Variants in PHLPP2 observed in about 807,000 individuals in gnomAD.
PHLPP2 encodes PH domain leucine-rich repeat-containing protein phosphatase 2.
In PHLPP2, 66 loss-of-function variants were observed where a neutral mutation model predicts 124.9. The observed-to-expected ratio is 0.53, with a 90% CI of 0.43 to 0.65. The LOEUF is 0.65. Ranked by LOEUF, PHLPP2 falls within the 30% of genes least tolerant of loss-of-function variation. PHLPP2 has a pLI of 0.00. For missense variants in PHLPP2, 1,685 were observed against 1,600.4 expected (o/e 1.05, Z -0.90); for synonymous variants, 681 against 624.7 (o/e 1.09, Z -1.34).
At chr16:71,660,604 T>G (rs1353256380) in intron 13 of PHLPP2, among the ~76,000 whole-genome samples, 1 of 151,798 alleles carries the variant, frequency 6.6e-6, no homozygotes, top group Non-Finnish European at 1.5e-5. Context: ...TTTTTGTATT[T>G]TTAGTAGAGA....
At chr16:71,654,733 C>T (rs1042271663) in intron 17 of PHLPP2, among the ~76,000 whole-genome samples, 7 of 152,222 alleles carry the variant, frequency 4.6e-5, no homozygotes, top group African/African-American at 1.7e-4. Flanking sequence ...GTCAGGCTTA[C>T]ATCCTTATCA....
At chr16:71,719,575 TG>T (rs1227783289) in intron 1 of PHLPP2, among the ~76,000 whole-genome samples, 2 of 151,924 alleles carry the variant, frequency 1.3e-5, no homozygotes, top group Non-Finnish European at 2.9e-5. Flanking sequence ...TGGCATTAAT[TG>T]TTTATACATA....
At chr16:71,687,372 G>C (rs2045063968) in intron 4 of PHLPP2, among the ~76,000 whole-genome samples, 1 of 151,996 alleles carries the variant, frequency 6.6e-6, no homozygotes, top group Admixed American at 6.6e-5. Flanking sequence ...AACCACACCA[G>C]TTTTCTTTTG....
intron 10 of PHLPP2, 23 bp downstream of exon 10, chr16:71,672,239 C>T: frequency 2.5e-6 from 4 of 1,595,240 alleles, no homozygotes; most frequent in Non-Finnish European, 3.4e-6. Flanking sequence ...GAAGCAAGCG[C>T]CACCCTCATG....
chr16:71,695,979 C>T (rs2045166064), intron 3 of PHLPP2, among the ~76,000 whole-genome samples: 1 of 152,096 alleles, frequency 6.6e-6, no homozygotes, highest in Admixed American at 6.5e-5. Flanking sequence ...CAAATTAAAA[C>T]ACCACAGATA....
intron 2 of PHLPP2, among the ~76,000 whole-genome samples, chr16:71,709,414 C>G (rs1164565023): frequency 6.6e-6 from 1 of 152,042 alleles, no homozygotes; most frequent in Non-Finnish European, 1.5e-5. Flanking sequence ...ATCTTAGTTT[C>G]TCTTCTCATC....
At chr16:71,681,977 G>A in intron 5 of PHLPP2, 72 bp from the exon 6 acceptor site, 1 of 1,088,050 alleles carries the variant, frequency 9.2e-7, no homozygotes, top group South Asian at 2.5e-5. Flanking sequence ...GAATGGAATG[G>A]CATTTACACA....
Position 71,655,095 on chromosome 16 carries a change from C to T in PHLPP2, c.2585+145G>A, listed in dbSNP as rs898190444. On this transcript the variant is annotated intron_variant, in intron 17 of 18. Transcript: ENST00000568954. ...AGCCGAAGTCCCCGCACTCCATGCTCATATAGAGAATGATCATAGAAGACA... is the reference window on the plus strand; with the variant it reads ...AGCCGAAGTCCCCGCACTCCATGCTTATATAGAGAATGATCATAGAAGACA... 6.3e-6 allele frequency: 4 copies of T among 637,812 alleles called. No individual in the cohort carries two copies. In the Admixed American group the frequency reaches 1.1e-4, roughly 17 times the overall value. 39.5% of individuals were successfully genotyped at this position (637,812 alleles called of 1,614,324 possible).
chr16:71,714,419 C>A (rs1178768872), intron 2 of PHLPP2, 93 bp downstream of exon 2: 3 of 1,418,564 alleles, frequency 2.1e-6, no homozygotes, highest in Admixed American at 2.9e-5. Context: ...ACATCAGTTC[C>A]GGCAGAATTA....
At chr16:71,717,428 G>A (rs1050793050) in intron 1 of PHLPP2, among the ~76,000 whole-genome samples, 1 of 152,084 alleles carries the variant, frequency 6.6e-6, no homozygotes, top group Non-Finnish European at 1.5e-5. Context: ...AAAACCATGA[G>A]GATTATTGAA....
intron 2 of PHLPP2, among the ~76,000 whole-genome samples, chr16:71,708,078 T>C (rs1441302364): frequency 6.6e-6 from 1 of 152,188 alleles, no homozygotes. Flanking sequence ...ACGCCGCCCC[T>C]AATCCTGCTC....
chr16:71,693,120 C>G (rs1381733857), intron 3 of PHLPP2, among the ~76,000 whole-genome samples: 1 of 152,124 alleles, frequency 6.6e-6, no homozygotes, highest in Non-Finnish European at 1.5e-5. Flanking sequence ...AACCCCATCT[C>G]TACTAAAAAT....
At chr16:71,723,203 C>T (rs1184244466) in intron 1 of PHLPP2, 1 of 152,274 alleles carries the variant, frequency 6.6e-6, no homozygotes, top group Non-Finnish European at 1.5e-5. Context: ...GCGGGTCGTC[C>T]TTGCCGGCTG....
At chr16:71,655,209 G>C (rs754060144) in intron 17 of PHLPP2, 31 bp downstream of exon 17, 2 of 1,468,858 alleles carry the variant, frequency 1.4e-6, no homozygotes, top group South Asian at 2.3e-5. Context: ...AAGTAGAACT[G>C]AGTTAGGGAT....
intron 3 of PHLPP2, among the ~76,000 whole-genome samples, chr16:71,698,936 T>A (rs575770365): frequency 1.2e-4 from 18 of 152,282 alleles, no homozygotes; most frequent in Non-Finnish European, 2.2e-4. Flanking sequence ...CATTAACTGG[T>A]TCGCACTCGG....
At chr16:71,660,843 GT>G (rs1237173528) in intron 13 of PHLPP2, among the ~76,000 whole-genome samples, 1 of 151,974 alleles carries the variant, frequency 6.6e-6, no homozygotes, top group Non-Finnish European at 1.5e-5. Context: ...CAGTTTCTGA[GT>G]ACCCAGAACT....
At chr16:71,652,355 T>C (rs1462271442) in intron 18 of PHLPP2, among the ~76,000 whole-genome samples, 1 of 152,240 alleles carries the variant, frequency 6.6e-6, no homozygotes, top group East Asian at 1.9e-4. Context: ...ATACTGATGT[T>C]TCATTATCAA....
At chr16:71,689,091 T>C (rs112426469) in intron 4 of PHLPP2, among the ~76,000 whole-genome samples, 37 of 152,308 alleles carry the variant, frequency 2.4e-4, no homozygotes, top group Admixed American at 6.5e-4. Flanking sequence ...TAAATACTTA[T>C]AAGAGCCAAA....
intron 17 of PHLPP2, among the ~76,000 whole-genome samples, chr16:71,653,905 C>CA (rs1451526312): frequency 2.0e-5 from 3 of 151,998 alleles, no homozygotes; most frequent in African/African-American, 2.4e-5. Flanking sequence ...ACTAAAAATA[C>CA]AAAAAATTAG....
Sources: allele counts gnomAD v4.1 joint callset (sites outside exome capture counted in the v4.1 genomes callset), GRCh38; gene constraint gnomAD v4.1.1; transcripts MANE v1.5; gene names NCBI Gene and HGNC (gene_info 2026-07-23, HGNC 2026-07-21).